The following MMS22L variants were observed in gnomAD, a reference collection of about 807,000 sequenced individuals.
MMS22L encodes the protein protein MMS22-like.
Under a neutral mutation model 159.1 loss-of-function variants are expected in MMS22L, and 74 were observed. The observed-to-expected ratio is 0.47, with a 90% confidence interval of 0.39 to 0.56. The LOEUF is 0.56. MMS22L is among the 20% of genes least tolerant of loss of function. The pLI is 0.00. For missense variants in MMS22L, 1,351 were observed against 1,422.1 expected (o/e 0.95, Z 0.80); for synonymous variants, 517 against 506.9 (o/e 1.02, Z -0.27).
chr6:97,159,948 G>GTTTTTTTTTTTTTTTTTTTTTTTT (rs368455553), intron 22 of MMS22L, among the ~76,000 whole-genome samples: 1 of 97,180 alleles, frequency 1.0e-5, no homozygotes, highest in Non-Finnish European at 1.9e-5. Context: ...TATCATTTCT[G>GTTTTTTTTTTTTTTTTTTTTTTTT]TTTTTTTTTT....
intron 4 of MMS22L, among the ~76,000 whole-genome samples, chr6:97,277,887 TC>T (rs767714135): frequency 2.6e-5 from 4 of 152,312 alleles, no homozygotes; most frequent in Non-Finnish European, 4.4e-5. Context: ...CCAAAAGTGT[TC>T]CAGGTAGTCT....
chr6:97,190,059 C>T (rs1172619168), intron 14 of MMS22L, among the ~76,000 whole-genome samples: 1 of 151,974 alleles, frequency 6.6e-6, no homozygotes, highest in African/African-American at 2.4e-5. Flanking sequence ...CATGTTTGAA[C>T]CAGAAAACTA....
chr6:97,151,194 G>A (rs771118858), intron 23 of MMS22L, among the ~76,000 whole-genome samples: 38 of 152,182 alleles, frequency 2.5e-4, no homozygotes, highest in Non-Finnish European at 2.1e-4. Context: ...TGACATTTCA[G>A]TCAATGACAG....
chr6:97,281,887 T>G (rs1444805752), intron 2 of MMS22L, among the ~76,000 whole-genome samples: 1 of 152,204 alleles, frequency 6.6e-6, no homozygotes, highest in African/African-American at 2.4e-5. Flanking sequence ...CAAGGCAAAA[T>G]AAGTCTATAC....
In MMS22L at chr6:97,173,185, G is replaced by T. The variant is rs60458103; in HGVS notation, c.2717C>A (p.Ser906Tyr). ...CTTTGTGACCATGGCAGATTTATCA[G>T]AAAGTGTCTGGACGTTCCCGTAAGT... Reference protein sequence around the residue: ...GVTYGNVQTLSDKSAMVTKSL... With the variant: ...GVTYGNVQTLYDKSAMVTKSL... Residue 906 changes from serine (S) to tyrosine (Y), a missense_variant, in exon 19 of 25, where the codon TCT becomes TAT. Physicochemically the swap from Ser to Tyr is moderately radical, Grantham distance 144. Transcript: ENST00000683635. 6.2e-7 allele frequency: 1 copy of T among 1,613,494 alleles called. No homozygotes were observed. The highest frequency in any genetic ancestry group is 8.5e-7 in the Non-Finnish European group (1 of 1,179,802).
chr6:97,220,965 C>CACA (rs2127977736), intron 14 of MMS22L, among the ~76,000 whole-genome samples: 1 of 15,680 alleles, frequency 6.4e-5, no homozygotes, highest in African/African-American at 1.6e-4. Flanking sequence ...CTGACACACA[C>CACA]ACACACACAC....
chr6:97,246,684 C>T lies in MMS22L; in HGVS notation c.1126G>A (p.Val376Met). ...RHGVPDEMRK[V>M]ESNWNFVEEL... ...TCTACAAAGTTCCAATTTGATTCCA[C>T]TTTTCTCTAGAAAGGGAGAAAATAG... Residue 376 changes from valine to methionine, a missense_variant, in exon 11 of 25, where the codon GTG becomes ATG. Coordinates refer to ENST00000683635, the MANE Select transcript of MMS22L (RefSeq NM_001350599.2). 6.3e-7 allele frequency: 1 copy of T among 1,598,974 alleles called. No individual in the cohort carries two copies. The highest frequency in any genetic ancestry group is 1.4e-5 in the African/African-American group (1 of 70,372).
In MMS22L at chr6:97,249,725, A is replaced by ATTT. The variant is rs66525517; in HGVS notation, c.1120-3038_1120-3036dup. ...CTATTATAACACGTACCAATAACCA[A>ATTT]TTTTTTTTTTTTTTTTTTTTTACCT... On this transcript the variant is annotated intron_variant, in intron 10 of 24. Transcript: ENST00000683635. Among the ~76,000 whole-genome samples the ATTT allele has an allele frequency of 8.6e-3, 1,125 of 130,380 alleles. 23 individuals carry two copies. Among genetic ancestry groups the ATTT allele is most frequent in the African/African-American group, 0.03 (1,038 of 34,586 alleles). 85.5% of individuals were successfully genotyped at this position (130,380 alleles called of 152,430 possible). A position where few individuals can be genotyped will look rare whatever the true frequency, so the allele number is the denominator to read the frequency against.
rs1809663488 is a variant in MMS22L at position 97,221,630 on chromosome 6, A to G, written c.2039+7264T>C. Among the ~76,000 whole-genome samples the G allele has an allele frequency of 3.3e-5, 5 of 152,196 alleles. No homozygotes were observed. The South Asian group carries it at 1.0e-3, about 32-fold the overall frequency. ...ATACATTCCTGAAATACTAAGATTT[A>G]TACTGTATTCCCTTAGAGATACCCA... On this transcript the variant is annotated intron_variant, in intron 14 of 24. Coordinates refer to ENST00000683635, the MANE Select transcript of MMS22L (RefSeq NM_001350599.2).
chr6:97,233,914 C>T lies in MMS22L; in HGVS notation c.1249G>A (p.Glu417Lys), dbSNP rs1024949256. 25 of 1,611,778 alleles carry T rather than the reference C, an allele frequency of 1.6e-5. No homozygotes were observed. The highest frequency in any genetic ancestry group is 2.7e-5 in the African/African-American group (2 of 74,782). The stretch of plus-strand genomic sequence containing the variant: ...ATGGTAACAATTGCAATGTTTGGCT[C>T]CCAGAAATCACAAAGTGTCAAACAA... ...HCCLTLCDFW[E>K]PNIAIVTILW... The change falls in exon 12 of 25, where the codon GAG (glutamate) becomes AAG (lysine). Residue 417 changes from glutamate (E) to lysine (K), a missense_variant. Transcript: ENST00000683635.
Position 97,165,298 on chromosome 6 carries a change from CTG to C in MMS22L, c.3167_3168del (p.Thr1056SerfsTer23), listed in dbSNP as rs1491038320. 6.2e-7 allele frequency: 1 copy of C among 1,613,204 alleles called. No homozygotes were observed. The highest frequency in any genetic ancestry group is 1.3e-5 in the African/African-American group (1 of 74,854). On this transcript the variant is annotated frameshift_variant, in exon 21 of 25. Transcript: ENST00000683635. LOFTEE classifies it high-confidence loss of function. ...QHPVLLALRN[T>X]ATIPPISSLK... ...AGAGATGATATTGGTGGAATAGTGG[CTG>C]TGTTTCTCAATGCCAGCAAAACAGG...
rs949983008 is a variant in MMS22L, at chr6:97,146,427, A to C, written c.*379T>G. The C allele has an allele frequency of 1.6e-4, 24 of 154,734 alleles. No homozygotes were observed. Among genetic ancestry groups the C allele is most frequent in the Non-Finnish European group, 3.0e-4 (21 of 69,860 alleles). The allele number at this position is 154,734 out of a possible 1,614,324, so 9.6% of individuals were successfully genotyped here. ...AAACATAACTATTATTGTAAAAATA[A>C]AAAATAAACATGACAAATCAGTCAC... On this transcript the variant is annotated 3_prime_UTR_variant, in exon 25 of 25. Coordinates refer to ENST00000683635, the MANE Select transcript of MMS22L (RefSeq NM_001350599.2).
At chr6:97,250,258 G>A (rs1813104129) in intron 10 of MMS22L, among the ~76,000 whole-genome samples, 3 of 151,982 alleles carry the variant, frequency 2.0e-5, no homozygotes, top group Non-Finnish European at 1.5e-5. Flanking sequence ...CCATTTAAAC[G>A]TTAGTATAGG....
intron 9 of MMS22L, chr6:97,261,600 C>A (rs1814490435): frequency 6.6e-6 from 1 of 152,062 alleles, no homozygotes; most frequent in South Asian, 2.1e-4. Flanking sequence ...AGTAGGCCAC[C>A]AATGGTTTTT....
chr6:97,199,406 G>A (rs1056062257), intron 14 of MMS22L, among the ~76,000 whole-genome samples: 2 of 151,908 alleles, frequency 1.3e-5, no homozygotes, highest in Non-Finnish European at 2.9e-5. Flanking sequence ...TTACCTTAAC[G>A]GACTATGTAT....
At chr6:97,281,846 A>T (rs1427639940) in intron 2 of MMS22L, among the ~76,000 whole-genome samples, 1 of 152,204 alleles carries the variant, frequency 6.6e-6, no homozygotes, top group African/African-American at 2.4e-5. Context: ...TATTTCAAGA[A>T]CAGTTTTACT....
At position 97,228,771 on chromosome 6, in the gene MMS22L, C is replaced by T; in HGVS notation, c.2039+123G>A. 5 of 921,138 alleles carry T rather than the reference C, an allele frequency of 5.4e-6. No homozygotes were observed. The South Asian group carries it at 8.0e-5, about 15-fold the overall frequency. 57.1% of individuals were successfully genotyped at this position (921,138 alleles called of 1,614,324 possible). The stretch of plus-strand genomic sequence containing the variant: ...ATGCCCATGTAGTAGAAAACTAAAT[C>T]CTTCCTCTACATTTGGATTTCATGT... On this transcript the variant is annotated intron_variant, in intron 14 of 24. Transcript: ENST00000683635.
At chr6:97,234,335 C>T (rs1016697565) in intron 11 of MMS22L, among the ~76,000 whole-genome samples, 14 of 152,106 alleles carry the variant, frequency 9.2e-5, no homozygotes, top group Non-Finnish European at 2.1e-4. Flanking sequence ...TTAAGATGTA[C>T]ACAAATCCAG....
intron 20 of MMS22L, among the ~76,000 whole-genome samples, chr6:97,165,927 A>AT (rs2128247373): frequency 6.6e-6 from 1 of 152,284 alleles, no homozygotes; most frequent in African/African-American, 2.4e-5. Flanking sequence ...AGGGCGAGGA[A>AT]TATGGAAATT....
Sources: allele counts gnomAD v4.1 joint callset (sites outside exome capture counted in the v4.1 genomes callset), GRCh38; gene constraint gnomAD v4.1.1; transcripts MANE v1.5; gene names NCBI Gene and HGNC (gene_info 2026-07-23, HGNC 2026-07-21).